The following DLG1 variants were observed in gnomAD, a reference collection of about 807,000 sequenced individuals.
The protein encoded by DLG1 is disks large homolog 1.
DLG1 carries 42 observed loss-of-function variants against 123.4 expected under a neutral mutation model. The observed-to-expected ratio is 0.34, with a 90% CI of 0.27 to 0.44. DLG1 has a LOEUF of 0.44. Among genes scored for constraint, DLG1 ranks in the 20% least tolerant of loss-of-function variants. The probability of loss-of-function intolerance (pLI) is 1.00; values close to 1 mark genes in which losing one functional copy is unlikely to be tolerated. For synonymous variants in DLG1, 317 were observed against 356.2 expected (o/e 0.89, Z 1.24); for missense variants, 942 against 1,082.6 (o/e 0.87, Z 1.82).
chr3:197,247,510 C>T (rs1172444903), intron 4 of DLG1, among the ~76,000 whole-genome samples: 1 of 152,042 alleles, frequency 6.6e-6, no homozygotes, highest in African/African-American at 2.4e-5. Context: ...GCTGCCAACA[C>T]AGGGCATAAT....
chr3:197,090,047 T>C (rs1756874871), intron 15 of DLG1, among the ~76,000 whole-genome samples: 1 of 152,280 alleles, frequency 6.6e-6, no homozygotes, highest in South Asian at 2.1e-4. Context: ...TTTGTGTGTA[T>C]AGATACACGT....
rs1461762984 is a variant in DLG1, at chr3:197,298,611, G to T, written c.-107C>A. On this transcript the variant is annotated 5_prime_UTR_variant, in exon 1 of 25. Transcript: ENST00000667157. ...GAGACAGCGCCTGGCGACCCCGGGG[G>T]TAGATCCCCACCGGGGAAAAGCCGC... 6.7e-6 allele frequency: 2 copies of T among 299,566 alleles called. No individual in the cohort carries two copies. Among genetic ancestry groups the T allele is most frequent in the Non-Finnish European group, 1.2e-5 (2 of 163,380 alleles). The allele number at this position is 299,566 out of a possible 1,614,324, so 18.6% of individuals were successfully genotyped here.
intron 13 of DLG1, among the ~76,000 whole-genome samples, chr3:197,111,767 A>C (rs1031681705): frequency 6.6e-6 from 1 of 152,162 alleles, no homozygotes; most frequent in African/African-American, 2.4e-5. Flanking sequence ...TTATCATGTA[A>C]CTGGAATTAT....
In DLG1 at chr3:197,295,030, G is replaced by C. The variant is rs1209116178; in HGVS notation, c.151+1316C>G. 2.8e-4 allele frequency among the ~76,000 whole-genome samples: 42 copies of C among 152,056 alleles called. 1 individual carries two copies. Among genetic ancestry groups the C allele is most frequent in the Non-Finnish European group, 1.5e-5 (1 of 67,992 alleles). ...AAATAACTAAAAAATGCTTTTTGCT[G>C]TTTTTCCAGAGGAATCCAATTTGAT... is the stretch of plus-strand genomic sequence containing the variant. On this transcript the variant is annotated intron_variant, in intron 3 of 24. Transcript: ENST00000667157.
chr3:197,292,267 G>T (rs1322455383), intron 3 of DLG1, among the ~76,000 whole-genome samples: 2 of 152,144 alleles, frequency 1.3e-5, no homozygotes, highest in African/African-American at 4.8e-5. Flanking sequence ...TACATACAAC[G>T]GAATATTATT....
intron 4 of DLG1, among the ~76,000 whole-genome samples, chr3:197,211,131 ACT>A (rs1731059980): frequency 2.7e-5 from 4 of 146,456 alleles, no homozygotes; most frequent in African/African-American, 9.7e-5. Flanking sequence ...AATTCATAAA[ACT>A]CTCAGCAAAC....
At chr3:197,155,354 A>T (rs1795909767) in intron 5 of DLG1, among the ~76,000 whole-genome samples, 1 of 152,138 alleles carries the variant, frequency 6.6e-6, no homozygotes, top group South Asian at 2.1e-4. Context: ...CCTCAAAATT[A>T]AGGGGGAAAT....
intron 14 of DLG1, among the ~76,000 whole-genome samples, chr3:197,098,401 TTAC>T (rs1217693198): frequency 6.6e-6 from 1 of 152,236 alleles, no homozygotes; most frequent in Non-Finnish European, 1.5e-5. Flanking sequence ...AGTAACTAAG[TTAC>T]TACAAAGCAG....
At chr3:197,109,155 C>T (rs565601255) in intron 13 of DLG1, among the ~76,000 whole-genome samples, 1 of 152,168 alleles carries the variant, frequency 6.6e-6, no homozygotes, top group South Asian at 2.1e-4. Context: ...CACTTGAGTA[C>T]AACACTTTGA....
At chr3:197,091,438 T>C (rs1029582922) in intron 14 of DLG1, among the ~76,000 whole-genome samples, 2 of 151,994 alleles carry the variant, frequency 1.3e-5, no homozygotes, top group Non-Finnish European at 2.9e-5. Context: ...TTATTGACTT[T>C]TTCCCCTTGA....
chr3:197,191,213 A>G (rs1295612792), intron 5 of DLG1, among the ~76,000 whole-genome samples: 1 of 152,154 alleles, frequency 6.6e-6, no homozygotes, highest in Non-Finnish European at 1.5e-5. Flanking sequence ...GAGACATAAT[A>G]CACCCTTGCA....
chr3:197,190,909 C>T (rs1168944353), intron 5 of DLG1, among the ~76,000 whole-genome samples: 14 of 152,132 alleles, frequency 9.2e-5, no homozygotes, highest in Admixed American at 9.2e-4. Flanking sequence ...ACTCGGGAGG[C>T]TGGGGCAGGA....
chr3:197,091,165 T>C, intron 14 of DLG1, 139 bp from the exon 15 acceptor site: 1 of 516,596 alleles, frequency 1.9e-6, no homozygotes, highest in Non-Finnish European at 3.4e-6. Flanking sequence ...CGAAAGATTT[T>C]GCCCAACACA....
At chr3:197,206,688 A>G (rs772080873) in intron 4 of DLG1, among the ~76,000 whole-genome samples, 1 of 152,228 alleles carries the variant, frequency 6.6e-6, no homozygotes, top group Non-Finnish European at 1.5e-5. Context: ...GCATATCATT[A>G]TAACTACTGC....
chr3:197,049,380 G>A (rs1725657290), intron 24 of DLG1, among the ~76,000 whole-genome samples: 1 of 152,208 alleles, frequency 6.6e-6, no homozygotes, highest in African/African-American at 2.4e-5. Context: ...AAATAAATCA[G>A]TATGTTGAAA....
intron 4 of DLG1, among the ~76,000 whole-genome samples, chr3:197,217,441 T>C (rs1734680623): frequency 6.6e-6 from 1 of 152,152 alleles, no homozygotes. Context: ...ACAAAACCTA[T>C]TAAAATTTGG....
intron 22 of DLG1, among the ~76,000 whole-genome samples, chr3:197,061,228 A>G (rs1343991206): frequency 6.6e-6 from 1 of 152,258 alleles, no homozygotes; most frequent in African/African-American, 2.4e-5. Flanking sequence ...AGAAAAGTAA[A>G]TAATAGACAC....
At chr3:197,069,614 C>A in intron 18 of DLG1, 1 of 162,964 alleles carries the variant, frequency 6.1e-6, no homozygotes, top group Admixed American at 6.4e-5. Flanking sequence ...TTTGAAACAG[C>A]GTTAACTGGC....
At chr3:197,102,272 T>C (rs993626580) in intron 14 of DLG1, among the ~76,000 whole-genome samples, 2 of 152,176 alleles carry the variant, frequency 1.3e-5, no homozygotes, top group Non-Finnish European at 2.9e-5. Flanking sequence ...TTTGGAAGAC[T>C]AATAAGGCAA....
Sources: allele counts gnomAD v4.1 joint callset (sites outside exome capture counted in the v4.1 genomes callset), GRCh38; gene constraint gnomAD v4.1.1; transcripts MANE v1.5; gene names NCBI Gene and HGNC (gene_info 2026-07-23, HGNC 2026-07-21).